PHF1: variants seen among roughly 807,000 people sequenced by gnomAD.
The protein encoded by PHF1 is polycomb-like 1.
Under a neutral mutation model 69.4 loss-of-function variants are expected in PHF1, and 16 were observed. That is an observed-to-expected ratio of 0.23 (90% CI 0.16 to 0.35). The LOEUF (loss-of-function observed/expected upper bound fraction) is 0.35. Ranked by LOEUF, PHF1 falls within the 10% of genes least tolerant of loss-of-function variation. The probability of loss-of-function intolerance (pLI) is 1.00; values close to 1 mark genes in which losing one functional copy is unlikely to be tolerated. For synonymous variants in PHF1, 274 were observed against 275.0 expected (o/e 1.00, Z 0.04); for missense variants, 515 against 732.8 (o/e 0.70, Z 3.43).
Position 33,414,666 on chromosome 6 carries a change from C to T in PHF1, c.945-59C>T, listed in dbSNP as rs1045215535. The T allele has an allele frequency of 9.7e-6, 15 of 1,548,666 alleles. No individual in the cohort carries two copies. The highest frequency in any genetic ancestry group is 5.0e-5 in the Admixed American group (3 of 59,448). On this transcript the variant is annotated intron_variant, in intron 10 of 14. Transcript: ENST00000374516. The surrounding 1 kb of genome is among the most constrained non-coding windows in gnomAD (Gnocchi z 5.0). ...GTGACTGAAAAGGATTGAGGAATGG[C>T]GTAAGGAGGAACCGTTTTTTACAGC...
chr6:33,416,392 T>C lies in PHF1; in HGVS notation c.*294T>C. ...GGCAGAGACTGAGGAGGGAGGATGA[T>C]AAGGGATCCCGGACTCTGTATGATT... On this transcript the variant is annotated 3_prime_UTR_variant, in exon 15 of 15. Coordinates refer to ENST00000374516, the MANE Select transcript of PHF1 (RefSeq NM_024165.3). 2.0e-6 allele frequency: 1 copy of C among 499,102 alleles called. No homozygotes were observed. Among genetic ancestry groups the C allele is most frequent in the East Asian group, 3.0e-5 (1 of 33,212 alleles). The allele number at this position is 499,102 out of a possible 1,614,324, so 30.9% of individuals were successfully genotyped here.
At chr6:33,411,988 C>T (rs1348540240) in intron 1 of PHF1, among the ~76,000 whole-genome samples, 1 of 152,090 alleles carries the variant, frequency 6.6e-6, no homozygotes, top group Non-Finnish European at 1.5e-5. Flanking sequence ...TGGCCAACAC[C>T]TCATCTCTAC....
In PHF1 at chr6:33,415,407, C is replaced by A. The variant is rs563209891; in HGVS notation, c.1334+78C>A. ...CTTCTGGACTTTATCACCCAGAATT[C>A]TTTTCCCTCTCCCCCTTGGCTACCC... On this transcript the variant is annotated intron_variant, in intron 13 of 14. Transcript: ENST00000374516. 361 of 1,311,950 alleles carry A rather than the reference C, an allele frequency of 2.8e-4. 2 individuals carry two copies. The highest frequency in any genetic ancestry group is 1.8e-4 in the Non-Finnish European group (164 of 922,980). 81.3% of individuals were successfully genotyped at this position (1,311,950 alleles called of 1,614,324 possible).
chr6:33,416,045 C>A lies in PHF1; in HGVS notation c.1651C>A (p.Pro551Thr), dbSNP rs1216593758. ...CCGGGTCCTTGCTCGGAGAGTACGG[C>A]CTGATGGCTCTGTGCAGTACCTGGT... ...PVRVLARRVRPDGSVQYLVEW... is the reference protein window; with the variant it reads ...PVRVLARRVRTDGSVQYLVEW... Residue 551 changes from proline (P) to threonine (T), a missense_variant, in exon 15 of 15, where the codon CCT (proline) becomes ACT (threonine). Transcript: ENST00000374516. 6.2e-7 allele frequency: 1 copy of A among 1,607,198 alleles called. No individual in the cohort carries two copies. Among genetic ancestry groups the A allele is most frequent in the Non-Finnish European group, 8.5e-7 (1 of 1,175,918 alleles).
intron 4 of PHF1, 103 bp from the exon 5 acceptor site, chr6:33,413,093 C>T (rs1388648008): frequency 1.0e-5 from 11 of 1,062,482 alleles, no homozygotes; most frequent in Non-Finnish European, 1.5e-5. Context: ...ACCCCCTCAT[C>T]AAGACCATGG....
chr6:33,415,924 C>T lies in PHF1; in HGVS notation c.1530C>T (p.Arg510=), dbSNP rs1383949356. 6.2e-7 allele frequency: 1 copy of T among 1,614,152 alleles called. No individual in the cohort carries two copies. Among genetic ancestry groups the T allele is most frequent in the Admixed American group, 1.7e-5 (1 of 60,024 alleles). Residue 510 remains arginine (R), a synonymous_variant, in exon 15 of 15, where the codon CGC becomes CGT. Transcript: ENST00000374516. ...VSSPSPGLPR[R]SAPPSPLCRS... is the part of the protein sequence containing the mutation. ...CCCCATCCCCAGGTCTTCCTAGACG[C>T]TCAGCACCCCCTTCTCCCCTGTGCC...
rs781145600 is a variant in PHF1 at position 33,415,792 on chromosome 6, A to T, written c.1416-18A>T. 1 of 1,594,762 alleles carries T rather than the reference A, an allele frequency of 6.3e-7. No individual in the cohort carries two copies. The highest frequency in any genetic ancestry group is 8.6e-7 in the Non-Finnish European group (1 of 1,166,304). On this transcript the variant is annotated intron_variant, in intron 14 of 14. Coordinates refer to ENST00000374516, the MANE Select transcript of PHF1 (RefSeq NM_024165.3). ...TCTCCATTTCTGCCCATTTCTTACA[A>T]TTGCCTTCTCTCCCTAGGTCACCCC... is the stretch of plus-strand genomic sequence containing the variant.
chr6:33,412,235 C>T lies in PHF1; in HGVS notation c.-16-13C>T. The T allele has an allele frequency of 1.3e-6, 2 of 1,577,670 alleles. No homozygotes were observed. The highest frequency in any genetic ancestry group is 1.7e-6 in the Non-Finnish European group (2 of 1,152,002). ...ATTCATAACCTTCTCCTCCCCATTT[C>T]TTTTCTGGCTAGGCCCCCCCAGGAT... On this transcript the variant is annotated splice_polypyrimidine_tract_variant and intron_variant, in intron 1 of 14. Transcript: ENST00000374516. The surrounding 1 kb of genome is among the most constrained non-coding windows in gnomAD (Gnocchi z 4.2).
At chr6:33,415,541 G>T (rs766716014) in intron 13 of PHF1, 49 bp from the exon 14 acceptor site, 2 of 1,583,704 alleles carry the variant, frequency 1.3e-6, no homozygotes, top group Non-Finnish European at 1.7e-6. Context: ...AGGGGGAGAA[G>T]GTCCTGTTCC....
intron 7 of PHF1, 99 bp from the exon 8 acceptor site, chr6:33,413,942 G>T: frequency 1.3e-6 from 2 of 1,545,450 alleles, no homozygotes; most frequent in Non-Finnish European, 1.8e-6. Context: ...CCTCTGCAGC[G>T]TTACCTCACC....
chr6:33,416,166 A>C lies in PHF1; in HGVS notation c.*68A>C. The C allele has an allele frequency of 7.4e-6, 10 of 1,343,106 alleles. No individual in the cohort carries two copies. The highest frequency in any genetic ancestry group is 2.4e-5 in the East Asian group (1 of 42,516). The allele number at this position is 1,343,106 out of a possible 1,614,324, so 83.2% of individuals were successfully genotyped here. ...CTTTCATACCCTGACCTCTGACCTC[A>C]CCTACAGCTGGGATGTACCTGGAGA... On this transcript the variant is annotated 3_prime_UTR_variant, in exon 15 of 15. Coordinates refer to ENST00000374516, the MANE Select transcript of PHF1 (RefSeq NM_024165.3).
In PHF1 at chr6:33,412,500, C is replaced by T. The variant is rs1267921984; in HGVS notation, c.160-8C>T. The T allele has an allele frequency of 1.2e-6, 2 of 1,614,210 alleles. No homozygotes were observed. The highest frequency in any genetic ancestry group is 1.7e-5 in the Admixed American group (1 of 60,030). On this transcript the variant is annotated splice_polypyrimidine_tract_variant and splice_region_variant and intron_variant, in intron 2 of 14. Coordinates refer to ENST00000374516, the MANE Select transcript of PHF1 (RefSeq NM_024165.3). The surrounding 1 kb of genome is among the most constrained non-coding windows in gnomAD (Gnocchi z 4.2). ...TCCCATTTCATCCTGTTTGCTCACC[C>T]ATTCCAGGTGGACAGTGCTAGGGAG...
chr6:33,414,172 C>A lies in PHF1; in HGVS notation c.752+63C>A, dbSNP rs1001202102. The A allele has an allele frequency of 2.5e-6, 4 of 1,613,788 alleles. No homozygotes were observed. The highest frequency in any genetic ancestry group is 3.4e-6 in the Non-Finnish European group (4 of 1,179,712). On this transcript the variant is annotated intron_variant, in intron 8 of 14. Transcript: ENST00000374516. The surrounding 1 kb of genome is among the most constrained non-coding windows in gnomAD (Gnocchi z 5.0). ...ACCACAGTATTTCACTCTATATGCC[C>A]CAACCTCCCACCTCAGGACTCCCCT...
chr6:33,411,302 C>T (rs1188438398), intron 1 of PHF1, 87 bp downstream of exon 1: 1 of 152,172 alleles, frequency 6.6e-6, no homozygotes, highest in Non-Finnish European at 1.5e-5. Context: ...CCGCCTTGGC[C>T]TCGGGTCCGG....
In PHF1 at chr6:33,414,160, A is replaced by C. The variant is rs1387208074; in HGVS notation, c.752+51A>C. The C allele has an allele frequency of 6.2e-7, 1 of 1,612,262 alleles. No individual in the cohort carries two copies. Among genetic ancestry groups the C allele is most frequent in the Admixed American group, 1.7e-5 (1 of 59,876 alleles). On this transcript the variant is annotated intron_variant, in intron 8 of 14. Coordinates refer to ENST00000374516, the MANE Select transcript of PHF1 (RefSeq NM_024165.3). The surrounding 1 kb of genome is among the most constrained non-coding windows in gnomAD (Gnocchi z 5.0). ...GTGTAACTCCACACCACAGTATTTC[A>C]CTCTATATGCCCCAACCTCCCACCT...
In PHF1 at chr6:33,414,877, G is replaced by A. The variant is rs1425592359; in HGVS notation, c.1049+48G>A. 6.3e-7 allele frequency: 1 copy of A among 1,578,564 alleles called. No homozygotes were observed. Among genetic ancestry groups the A allele is most frequent in the Admixed American group, 1.7e-5 (1 of 57,662 alleles). ...GGGAAATTCTCAGGGTGTTAGTCCT[G>A]GGGGGTATATGTATAGAGATGGGGA... On this transcript the variant is annotated intron_variant, in intron 11 of 14. Coordinates refer to ENST00000374516, the MANE Select transcript of PHF1 (RefSeq NM_024165.3). This position sits in a 1 kb window ranked among gnomAD's most constrained non-coding sequence, Gnocchi z 5.0.
rs376699088 is a variant in PHF1, at chr6:33,416,087, G to A, written c.1693G>A (p.Gly565Ser). 1.9e-6 allele frequency: 3 copies of A among 1,542,376 alleles called. No homozygotes were observed. In the African/African-American group the frequency reaches 4.1e-5, roughly 21 times the overall value. Residue 565 changes from glycine to serine, a missense_variant, in exon 15 of 15, where the codon GGC (glycine) becomes AGC (serine). Gly to Ser is a moderately conservative substitution (Grantham distance 56). Coordinates refer to ENST00000374516, the MANE Select transcript of PHF1 (RefSeq NM_024165.3). ...VQYLVEWGGGGIF is the reference protein window; with the variant it reads ...VQYLVEWGGGSIF ...GTACCTGGTTGAGTGGGGAGGAGGG[G>A]GCATCTTCTGAACAGCCTGCCTCTG... is the stretch of plus-strand genomic sequence containing the variant.
In PHF1 at chr6:33,412,320, T is replaced by C; in HGVS notation, c.57T>C (p.Ala19=). ...RSGASSLWDP[A]SPAPTSGPRP... ...GTGCCTCCTCACTTTGGGACCCAGC[T>C]TCTCCTGCTCCCACCTCTGGCCCCA... The change falls in exon 2 of 15, where the codon GCT becomes GCC. Residue 19 remains alanine (A), a synonymous_variant. Coordinates refer to ENST00000374516, the MANE Select transcript of PHF1 (RefSeq NM_024165.3). The surrounding 1 kb of genome is among the most constrained non-coding windows in gnomAD (Gnocchi z 4.2). 6.2e-7 allele frequency: 1 copy of C among 1,614,218 alleles called. No individual in the cohort carries two copies. Among genetic ancestry groups the C allele is most frequent in the Non-Finnish European group, 8.5e-7 (1 of 1,180,022 alleles).
intron 7 of PHF1, 102 bp downstream of exon 7, chr6:33,413,933 C>G: frequency 6.5e-7 from 1 of 1,537,390 alleles, no homozygotes; most frequent in South Asian, 1.1e-5. Context: ...TCTTCCCAAC[C>G]TCTGCAGCGT....
Sources: allele counts gnomAD v4.1 joint callset (sites outside exome capture counted in the v4.1 genomes callset), GRCh38; gene constraint gnomAD v4.1.1; non-coding constraint Gnocchi (gnomAD v3.1); transcripts MANE v1.5; gene names NCBI Gene and HGNC (gene_info 2026-07-23, HGNC 2026-07-21).